Variants in TSC22D1 observed in about 807,000 individuals in gnomAD.
The protein encoded by TSC22D1 is TSC22 domain family member 1.
A neutral mutation model predicts 74.2 loss-of-function variants in TSC22D1; 9 were observed. That is an observed-to-expected ratio of 0.12 (90% CI 0.07 to 0.21). The LOEUF (loss-of-function observed/expected upper bound fraction) is 0.21, where lower values mean the gene tolerates loss of function less well. TSC22D1 is among the 10% of genes least tolerant of loss of function. TSC22D1 has a pLI of 1.00. For synonymous variants in TSC22D1, 586 were observed against 492.5 expected (o/e 1.19, Z -2.51); for missense variants, 1,427 against 1,304.7 (o/e 1.09, Z -1.44).
intron 1 of TSC22D1, among the ~76,000 whole-genome samples, chr13:44,476,153 G>A (rs1245491198): frequency 6.6e-6 from 1 of 152,008 alleles, no homozygotes; most frequent in African/African-American, 2.4e-5. Flanking sequence ...ACATCTTAAG[G>A]GATATGGAGT....
At chr13:44,483,775 C>T (rs1222427337) in intron 1 of TSC22D1, among the ~76,000 whole-genome samples, 1 of 152,038 alleles carries the variant, frequency 6.6e-6, no homozygotes, top group Non-Finnish European at 1.5e-5. Context: ...ATTCTACAGA[C>T]TGGTCAATTA....
chr13:44,566,758 A>G (rs1346091844), intron 1 of TSC22D1, among the ~76,000 whole-genome samples: 1 of 152,184 alleles, frequency 6.6e-6, no homozygotes, highest in Non-Finnish European at 1.5e-5. Context: ...AATAGCAAAA[A>G]AATTTGAAAG....
chr13:44,533,002 T>C (rs1880937620), intron 1 of TSC22D1, among the ~76,000 whole-genome samples: 1 of 152,122 alleles, frequency 6.6e-6, no homozygotes, highest in Non-Finnish European at 1.5e-5. Flanking sequence ...GAGACTTGAG[T>C]ACTACAGACA....
At chr13:44,551,310 G>GGTGGGT (rs1555272441) in intron 1 of TSC22D1, among the ~76,000 whole-genome samples, 1 of 132,776 alleles carries the variant, frequency 7.5e-6, no homozygotes, top group Non-Finnish European at 1.6e-5. Flanking sequence ...ATCAGCTGGG[G>GGTGGGT]GTGTGTGTGT....
At position 44,576,311 on chromosome 13, in the gene TSC22D1, A is replaced by T. The variant is rs1884244901; in HGVS notation, c.-237T>A. 1.8e-6 allele frequency: 1 copy of T among 547,666 alleles called. No individual in the cohort carries two copies. Among genetic ancestry groups the T allele is most frequent in the Admixed American group, 3.5e-5 (1 of 28,178 alleles). The allele number at this position is 547,666 out of a possible 1,614,324, so 33.9% of individuals were successfully genotyped here. On this transcript the variant is annotated 5_prime_UTR_variant, in exon 1 of 3. An upstream open reading frame in the 5' UTR loses its in-frame stop. Transcript: ENST00000458659. ...GGGGACCCGAAGGGGGGATCCCTTCAGTCCTTCGCCATTCACTTTCCCCTC... is the reference window on the plus strand; with the variant it reads ...GGGGACCCGAAGGGGGGATCCCTTCTGTCCTTCGCCATTCACTTTCCCCTC...
At chr13:44,501,935 T>C (rs1879239135) in intron 1 of TSC22D1, among the ~76,000 whole-genome samples, 1 of 152,236 alleles carries the variant, frequency 6.6e-6, no homozygotes, top group South Asian at 2.1e-4. Context: ...CACATGGCAC[T>C]GAAGACCAAG....
chr13:44,508,420 T>C (rs1457155736), intron 1 of TSC22D1, among the ~76,000 whole-genome samples: 1 of 152,208 alleles, frequency 6.6e-6, no homozygotes, highest in Non-Finnish European at 1.5e-5. Flanking sequence ...ACTTGGCCAG[T>C]TATCTTCAGT....
chr13:44,454,528 G>A (rs997053776), intron 1 of TSC22D1, among the ~76,000 whole-genome samples: 10 of 151,994 alleles, frequency 6.6e-5, no homozygotes, highest in Non-Finnish European at 1.0e-4. Flanking sequence ...TTCTTCTCCA[G>A]CCTGAAATCA....
At chr13:44,517,311 G>A (rs982699376) in intron 1 of TSC22D1, among the ~76,000 whole-genome samples, 3 of 147,732 alleles carry the variant, frequency 2.0e-5, no homozygotes, top group Non-Finnish European at 4.5e-5. Context: ...AGTAACCATC[G>A]TTACCGTAAA....
At chr13:44,512,824 A>AT (rs1182671692) in intron 1 of TSC22D1, among the ~76,000 whole-genome samples, 2 of 151,808 alleles carry the variant, frequency 1.3e-5, no homozygotes, top group African/African-American at 4.8e-5. Context: ...TAATTATTGT[A>AT]TTTTTAGTAG....
intron 1 of TSC22D1, among the ~76,000 whole-genome samples, chr13:44,478,912 T>C (rs1284163103): frequency 6.6e-6 from 1 of 152,100 alleles, no homozygotes; most frequent in Non-Finnish European, 1.5e-5. Context: ...TGTGTGTGTG[T>C]GTATTTATGT....
At chr13:44,509,700 G>C in intron 1 of TSC22D1, among the ~76,000 whole-genome samples, 1 of 151,904 alleles carries the variant, frequency 6.6e-6, no homozygotes, top group East Asian at 1.9e-4. Flanking sequence ...TATTTTACCA[G>C]GTTTTTTTTC....
intron 1 of TSC22D1, among the ~76,000 whole-genome samples, chr13:44,532,492 G>C (rs1011344801): frequency 2.6e-5 from 4 of 151,378 alleles, no homozygotes; most frequent in Non-Finnish European, 4.4e-5. Context: ...CTTTTTTTTT[G>C]AGACGGAGTC....
At chr13:44,564,169 G>A (rs1404575500) in intron 1 of TSC22D1, among the ~76,000 whole-genome samples, 1 of 152,056 alleles carries the variant, frequency 6.6e-6, no homozygotes, top group Admixed American at 6.5e-5. Flanking sequence ...AATATTAATA[G>A]TATATTTTCT....
intron 1 of TSC22D1, among the ~76,000 whole-genome samples, chr13:44,507,250 T>C (rs1879487512): frequency 6.6e-6 from 1 of 151,882 alleles, no homozygotes. Context: ...GGAGGAAGGG[T>C]TAACAGCCAA....
rs1291934351 is a variant in TSC22D1 at position 44,573,778 on chromosome 13, G to A, written c.2297C>T (p.Pro766Leu). The A allele has an allele frequency of 3.1e-6, 5 of 1,614,116 alleles. No homozygotes were observed. Among genetic ancestry groups the A allele is most frequent in the Non-Finnish European group, 4.2e-6 (5 of 1,180,062 alleles). The change falls in exon 1 of 3, where the codon CCA becomes CTA. Residue 766 changes from proline (P) to leucine (L), a missense_variant. Coordinates refer to ENST00000458659, the MANE Select transcript of TSC22D1 (RefSeq NM_183422.4). The part of the protein sequence containing the change: ...QGAPPSSQVV[P>L]PAQTGIIHQG... ...ATGAATAATCCCAGTTTGAGCAGGT[G>A]GAACCACTTGCGAAGATGGAGGAGC... is the stretch of plus-strand genomic sequence containing the variant.
chr13:44,517,774 T>TATAC (rs1555269354), intron 1 of TSC22D1, among the ~76,000 whole-genome samples: 1,229 of 120,130 alleles, frequency 0.01, 17 homozygotes, highest in East Asian at 0.03. Context: ...TATATATATA[T>TATAC]ATACACATAT....
chr13:44,536,889 G>A (rs1349638940), intron 1 of TSC22D1: 44 of 784,590 alleles, frequency 5.6e-5, no homozygotes, highest in East Asian at 1.7e-4. Context: ...TGACCCCCAC[G>A]AAGAATCACC....
chr13:44,470,936 T>C (rs2137906892), intron 1 of TSC22D1, among the ~76,000 whole-genome samples: 1 of 152,314 alleles, frequency 6.6e-6, no homozygotes, highest in South Asian at 2.1e-4. Context: ...CATCCAATAA[T>C]ACATTCAAAT....
Sources: gnomAD v4.1 joint callset for allele counts (sites outside exome capture counted in the v4.1 genomes callset) on GRCh38, gnomAD v4.1.1 for gene constraint, MANE v1.5 for transcripts, NCBI Gene and HGNC (gene_info 2026-07-23, HGNC 2026-07-21) for gene names.